Variants in USH2A observed in about 807,000 individuals in gnomAD.
USH2A encodes usherin.
Under a neutral mutation model 538.9 loss-of-function variants are expected in USH2A, and 443 were observed. The observed-to-expected ratio is 0.82, with a 90% CI of 0.76 to 0.89. USH2A has a LOEUF of 0.89. Among genes scored for constraint, USH2A ranks in the 40% least tolerant of loss-of-function variants. The pLI, the probability that USH2A is intolerant of heterozygous loss-of-function variation, is 0.00. For missense variants in USH2A, 6,633 were observed against 6,324.8 expected (o/e 1.05, Z -1.65); for synonymous variants, 2,413 against 2,273.5 (o/e 1.06, Z -1.75).
At chr1:216,288,858 T>C (rs1240395663) in intron 11 of USH2A, among the ~76,000 whole-genome samples, 1 of 152,186 alleles carries the variant, frequency 6.6e-6, no homozygotes, top group Non-Finnish European at 1.5e-5. Flanking sequence ...GACTAAGAAA[T>C]TGAGAAGCGA....
At chr1:215,754,912 T>A (rs1163126298) in intron 58 of USH2A, among the ~76,000 whole-genome samples, 1 of 152,192 alleles carries the variant, frequency 6.6e-6, no homozygotes, top group Admixed American at 6.5e-5. Flanking sequence ...AGGTAAAGCT[T>A]TCTAGTTACT....
intron 32 of USH2A, among the ~76,000 whole-genome samples, chr1:216,042,624 T>C (rs1437422557): frequency 2.0e-5 from 3 of 152,074 alleles, no homozygotes; most frequent in Non-Finnish European, 4.4e-5. Context: ...GGTGTAGACT[T>C]AAACTGCCCA....
rs151148854 is a variant in USH2A, at chr1:215,675,618, T to C, written c.12295-2A>G. On this transcript the variant is annotated splice_acceptor_variant, in intron 62 of 71. Transcript: ENST00000307340. LOFTEE classifies it high-confidence loss of function. ...CCCGTCACTGAAGATGTTGTATGTC[T>C]ACAGAAGGACAGAAGCAAAAGGGAT... 1.2e-5 allele frequency: 19 copies of C among 1,614,032 alleles called. No homozygotes were observed. The highest frequency in any genetic ancestry group is 1.4e-5 in the Non-Finnish European group (17 of 1,180,022).
chr1:216,420,504 A>C (rs573287999), intron 2 of USH2A, among the ~76,000 whole-genome samples: 32 of 152,126 alleles, frequency 2.1e-4, no homozygotes, highest in Non-Finnish European at 3.7e-4. Context: ...TTAATTTTGA[A>C]AATGGAAACG....
intron 43 of USH2A, among the ~76,000 whole-genome samples, chr1:215,873,705 C>A (rs893192438): frequency 6.7e-6 from 1 of 149,616 alleles, no homozygotes; most frequent in Non-Finnish European, 1.5e-5. Flanking sequence ...AAAAATAAGA[C>A]GAAAATGTGT....
chr1:216,157,264 C>A (rs1449338647), intron 21 of USH2A, among the ~76,000 whole-genome samples: 1 of 152,074 alleles, frequency 6.6e-6, no homozygotes, highest in Non-Finnish European at 1.5e-5. Context: ...GAAATCAAAA[C>A]AACAATGAGA....
intron 44 of USH2A, among the ~76,000 whole-genome samples, chr1:215,848,406 G>T (rs1296709607): frequency 6.6e-6 from 1 of 152,170 alleles, no homozygotes; most frequent in East Asian, 1.9e-4. Flanking sequence ...AAATGTGCCT[G>T]TTATCTGCAC....
intron 47 of USH2A, among the ~76,000 whole-genome samples, chr1:215,836,507 TA>T (rs1663514206): frequency 6.3e-5 from 1 of 15,998 alleles, no homozygotes; most frequent in African/African-American, 2.0e-4. Flanking sequence ...TAATATATAT[TA>T]TATATATATA....
At position 215,844,567 on chromosome 1, in the gene USH2A, A is replaced by T. The variant is rs897539996; in HGVS notation, c.9056-71T>A. 2.0e-6 allele frequency: 3 copies of T among 1,526,320 alleles called. No individual in the cohort carries two copies. The African/African-American group carries it at 4.1e-5, about 21-fold the overall frequency. 94.5% of individuals were successfully genotyped at this position (1,526,320 alleles called of 1,614,324 possible). A position where few individuals can be genotyped will look rare whatever the true frequency, so the allele number is the denominator to read the frequency against. On this transcript the variant is annotated intron_variant, in intron 45 of 71. Transcript: ENST00000307340. ...AAAGCACATGTTAAGCTAAATGCAGATTAGTATTTAGGTTTAGCAAAGGGT... is the reference window on the plus strand; with the variant it reads ...AAAGCACATGTTAAGCTAAATGCAGTTTAGTATTTAGGTTTAGCAAAGGGT...
chr1:216,386,071 A>C (rs1328700686), intron 3 of USH2A, among the ~76,000 whole-genome samples: 1 of 152,236 alleles, frequency 6.6e-6, no homozygotes, highest in Non-Finnish European at 1.5e-5. Flanking sequence ...CCAAGAGCCT[A>C]GTTAACTGGT....
chr1:216,240,013 C>CAAAAAAAAAAAAAAAAAAAAAAAAAAAA (rs55691066), intron 13 of USH2A, among the ~76,000 whole-genome samples: 2 of 112,282 alleles, frequency 1.8e-5, no homozygotes, highest in Non-Finnish European at 1.8e-5. Flanking sequence ...ATGAAATAAA[C>CAAAAAAAAAAAAAAAAAAAAAAAAAAAA]AAAAAAAAAA....
intron 3 of USH2A, among the ~76,000 whole-genome samples, chr1:216,384,213 T>G (rs1383084940): frequency 6.6e-6 from 1 of 151,830 alleles, no homozygotes; most frequent in Non-Finnish European, 1.5e-5. Context: ...TTTAAAATTA[T>G]TTTTACATAT....
At chr1:216,048,903 C>G (rs1263621723) in intron 30 of USH2A, among the ~76,000 whole-genome samples, 1 of 152,204 alleles carries the variant, frequency 6.6e-6, no homozygotes, top group African/African-American at 2.4e-5. Flanking sequence ...TGATGTTTCT[C>G]CCATTAAAAT....
At chr1:215,952,566 G>A (rs1363537399) in intron 37 of USH2A, among the ~76,000 whole-genome samples, 1 of 152,158 alleles carries the variant, frequency 6.6e-6, no homozygotes, top group African/African-American at 2.4e-5. Context: ...CTCTTTTAGG[G>A]CAGGTGTGGT....
chr1:216,159,244 T>C (rs1454128780), intron 21 of USH2A, among the ~76,000 whole-genome samples: 2 of 152,110 alleles, frequency 1.3e-5, no homozygotes, highest in East Asian at 3.8e-4. Context: ...ATAAAAGTGG[T>C]GATAGTGAAT....
intron 11 of USH2A, among the ~76,000 whole-genome samples, chr1:216,261,658 C>T (rs181704911): frequency 2.0e-4 from 30 of 152,152 alleles, no homozygotes; most frequent in Non-Finnish European, 3.4e-4. Context: ...TTTTAAAAGG[C>T]TTAATGGCTG....
In USH2A at chr1:216,264,889, GTC is replaced by G. The variant is rs1293223898; in HGVS notation, c.1972-13793_1972-13792del. Among the ~76,000 whole-genome samples the G allele has an allele frequency of 3.3e-5, 5 of 151,932 alleles. No homozygotes were observed. In the East Asian group the frequency reaches 9.7e-4, roughly 30 times the overall value. On this transcript the variant is annotated intron_variant, in intron 11 of 71. Transcript: ENST00000307340. Reference sequence around the variant, plus strand: ...TGCAAATGAATGAAAATAGACCCCCGTCTCTCACCATATACAAAAATCCACTC... The same window carrying G: ...TGCAAATGAATGAAAATAGACCCCCGTCTCACCATATACAAAAATCCACTC...
chr1:215,898,585 C>CAA (rs370038200), intron 40 of USH2A, among the ~76,000 whole-genome samples: 14 of 146,904 alleles, frequency 9.5e-5, no homozygotes, highest in East Asian at 3.9e-4. Flanking sequence ...AATGCTGTGC[C>CAA]AAAAAAAAAA....
At chr1:216,347,208 A>G (rs547913949) in intron 4 of USH2A, among the ~76,000 whole-genome samples, 1 of 152,244 alleles carries the variant, frequency 6.6e-6, no homozygotes, top group East Asian at 1.9e-4. Flanking sequence ...CCAACTATGC[A>G]AAGAGGTTGT....
Sources: allele counts gnomAD v4.1 joint callset (sites outside exome capture counted in the v4.1 genomes callset), GRCh38; gene constraint gnomAD v4.1.1; transcripts MANE v1.5; gene names NCBI Gene and HGNC (gene_info 2026-07-23, HGNC 2026-07-21).